The following PCDHAC1 variants were observed in gnomAD, a reference collection of about 807,000 sequenced individuals.
PCDHAC1 encodes protocadherin alpha subfamily C, 1.
A neutral mutation model predicts 60.0 loss-of-function variants in PCDHAC1; 42 were observed. That is an observed-to-expected ratio of 0.70 (90% CI 0.55 to 0.90). The LOEUF (loss-of-function observed/expected upper bound fraction) is 0.90, where lower values mean the gene tolerates loss of function less well. Among genes scored for constraint, PCDHAC1 ranks in the 40% least tolerant of loss-of-function variants. The pLI, the probability that PCDHAC1 is intolerant of heterozygous loss-of-function variation, is 0.00. For synonymous variants in PCDHAC1, 468 were observed against 499.3 expected (o/e 0.94, Z 0.84); for missense variants, 1,160 against 1,222.3 (o/e 0.95, Z 0.76).
chr5:141,009,724 T>C lies in PCDHAC1; in HGVS notation c.2679T>C (p.Gly893=). ...KYGPGNPKQS[G]PGELPDKFII... The stretch of plus-strand genomic sequence containing the variant: ...GACCAGGCAACCCCAAACAATCCGG[T>C]CCCGGTGAGTTGCCCGACAAATTCA... Residue 893 remains glycine, a synonymous_variant, in exon 4 of 4, where the codon GGT becomes GGC. Transcript: ENST00000253807. 6.2e-7 allele frequency: 1 copy of C among 1,614,116 alleles called. No individual in the cohort carries two copies. Among genetic ancestry groups the C allele is most frequent in the South Asian group, 1.1e-5 (1 of 91,062 alleles).
At position 140,929,227 on chromosome 5, in the gene PCDHAC1, G is replaced by C. The variant is rs141300036; in HGVS notation, c.2335G>C (p.Asp779His). ...GTTGCGTGGGGAGTACAATGCTGCC[G>C]ACCTGCGAAATCTTGCCACTGGGGT... ...LLLRGEYNAADLRNLATGVGL... is the reference protein window; with the variant it reads ...LLLRGEYNAAHLRNLATGVGL... The change falls in exon 1 of 4, where the codon GAC becomes CAC. Residue 779 changes from aspartate to histidine, a missense_variant. Around this residue, in one of 3 missense-constraint regions of PCDHAC1, gnomAD observed 1,113 missense variants for 1,163.7 expected, o/e 0.96. Transcript: ENST00000253807. 7.4e-6 allele frequency: 12 copies of C among 1,613,892 alleles called. No homozygotes were observed. In the African/African-American group the frequency reaches 1.5e-4, roughly 20 times the overall value.
At chr5:140,963,068 G>C (rs1472395054) in intron 1 of PCDHAC1, among the ~76,000 whole-genome samples, 3 of 152,064 alleles carry the variant, frequency 2.0e-5, no homozygotes, top group African/African-American at 7.2e-5. Context: ...CATTGTGAAG[G>C]AGACAGAAAT....
intron 3 of PCDHAC1, among the ~76,000 whole-genome samples, chr5:141,000,387 C>A (rs868946328): frequency 8.2e-4 from 55 of 66,860 alleles, no homozygotes; most frequent in African/African-American, 2.7e-3. Context: ...CTCTCTCTCT[C>A]TCTCTCTCTA....
chr5:140,937,197 C>T (rs1228010742), intron 1 of PCDHAC1, among the ~76,000 whole-genome samples: 2 of 151,938 alleles, frequency 1.3e-5, no homozygotes, highest in African/African-American at 2.4e-5. Flanking sequence ...GCCACCATGC[C>T]CGGCTAATTT....
chr5:140,969,201 G>A (rs2096306183), intron 1 of PCDHAC1: 2 of 1,614,110 alleles, frequency 1.2e-6, no homozygotes, highest in Non-Finnish European at 1.7e-6. Context: ...TACAATACAG[G>A]GGCCCAGACA....
At chr5:140,937,798 G>A (rs782138454) in intron 1 of PCDHAC1, among the ~76,000 whole-genome samples, 1 of 151,676 alleles carries the variant, frequency 6.6e-6, no homozygotes, top group African/African-American at 2.4e-5. Flanking sequence ...TGTAGTCCCA[G>A]CTACTCGGGA....
At position 140,946,014 on chromosome 5, in the gene PCDHAC1, C is replaced by T. The variant is rs116323983; in HGVS notation, c.2433+16689C>T. On this transcript the variant is annotated intron_variant, in intron 1 of 3. Coordinates refer to ENST00000253807, the MANE Select transcript of PCDHAC1 (RefSeq NM_018898.5). ...ATTGCATCAAACTAAAAAGCTCCTG[C>T]GCAGCAAAGAAAACAAGAGTGAAGG... Among the ~76,000 whole-genome samples, 849 of 151,986 alleles carry T rather than the reference C, an allele frequency of 5.6e-3. 7 individuals carry two copies. The highest frequency in any genetic ancestry group is 0.02 in the African/African-American group (814 of 41,504).
At chr5:140,968,339 A>C in intron 1 of PCDHAC1, 1 of 1,614,114 alleles carries the variant, frequency 6.2e-7, no homozygotes, top group Non-Finnish European at 8.5e-7. Flanking sequence ...TGTCTCCATT[A>C]ACAGTGCCAG....
At chr5:140,929,376 G>C in intron 1 of PCDHAC1, 51 bp downstream of exon 1, 1 of 1,513,958 alleles carries the variant, frequency 6.6e-7, no homozygotes, top group Non-Finnish European at 8.8e-7. Flanking sequence ...ATGGCTGCTA[G>C]CTGTGTTTTG....
At chr5:141,005,822 C>T (rs1248291613) in intron 3 of PCDHAC1, among the ~76,000 whole-genome samples, 2 of 151,298 alleles carry the variant, frequency 1.3e-5, no homozygotes, top group Non-Finnish European at 2.9e-5. Context: ...GTATGGTGGC[C>T]TGTAGTCCCA....
At chr5:140,977,955 C>T (rs1280190913) in intron 1 of PCDHAC1, among the ~76,000 whole-genome samples, 1 of 152,170 alleles carries the variant, frequency 6.6e-6, no homozygotes, top group African/African-American at 2.4e-5. Context: ...GACAGGGCCA[C>T]CTCAATCTCC....
Position 141,009,928 on chromosome 5 carries a change from T to C in PCDHAC1, c.2883T>C (p.Ser961=), listed in dbSNP as rs373891102. The change falls in exon 4 of 4, where the codon AGT becomes AGC. Residue 961 remains serine (S), a synonymous_variant. Transcript: ENST00000253807. The stretch of plus-strand genomic sequence containing the variant: ...AAGGGAACAGCACGACTGACAACAG[T>C]GACCAGTGAGGTCCTCAAATGGAAA... ...KEKGNSTTDN[S]DQ is the part of the protein sequence containing the mutation. 3 of 1,607,808 alleles carry C rather than the reference T, an allele frequency of 1.9e-6. No homozygotes were observed. The highest frequency in any genetic ancestry group is 2.5e-6 in the Non-Finnish European group (3 of 1,178,138).
Position 141,000,393 on chromosome 5 carries a change from CTCTATA to C in PCDHAC1, c.2582-9232_2582-9227del, listed in dbSNP as rs1213195269. 6.1e-3 allele frequency among the ~76,000 whole-genome samples: 322 copies of C among 52,630 alleles called. 2 individuals are homozygous for C. Among genetic ancestry groups the C allele is most frequent in the Admixed American group, 0.01 (36 of 3,506 alleles). 34.5% of individuals were successfully genotyped at this position (52,630 alleles called of 152,430 possible). A position where few individuals can be genotyped will look rare whatever the true frequency, so the allele number is the denominator to read the frequency against. ...TCTCTCTCTCTCTCTCTCTCTCTCT[CTCTATA>C]TATATATATATATATATATATATTT... On this transcript the variant is annotated intron_variant, in intron 3 of 3. Transcript: ENST00000253807.
At chr5:140,940,547 C>G (rs1256617271) in intron 1 of PCDHAC1, among the ~76,000 whole-genome samples, 1 of 152,018 alleles carries the variant, frequency 6.6e-6, no homozygotes, top group Admixed American at 6.6e-5. Flanking sequence ...TTCCTGGGCT[C>G]AAGTGATTCT....
chr5:140,972,987 T>C (rs2096567014), intron 1 of PCDHAC1, among the ~76,000 whole-genome samples: 1 of 152,044 alleles, frequency 6.6e-6, no homozygotes, highest in Admixed American at 6.6e-5. Flanking sequence ...TAAGGTAGAT[T>C]CTGTGCATTT....
At chr5:140,969,933 C>T (rs2096370749) in intron 1 of PCDHAC1, among the ~76,000 whole-genome samples, 1 of 152,192 alleles carries the variant, frequency 6.6e-6, no homozygotes, top group South Asian at 2.1e-4. Context: ...ATTTAGACAT[C>T]ATACTGAAGC....
chr5:140,974,884 T>A (rs1485443373), intron 1 of PCDHAC1, among the ~76,000 whole-genome samples: 1 of 152,240 alleles, frequency 6.6e-6, no homozygotes, highest in Non-Finnish European at 1.5e-5. Context: ...TATGTATCCC[T>A]TTTCTGATGA....
chr5:140,934,587 T>C (rs1316719317), intron 1 of PCDHAC1, among the ~76,000 whole-genome samples: 1 of 152,176 alleles, frequency 6.6e-6, no homozygotes, highest in Non-Finnish European at 1.5e-5. Flanking sequence ...ATTTCTGTAA[T>C]GGGTCTTCAA....
intron 2 of PCDHAC1, among the ~76,000 whole-genome samples, chr5:140,980,144 T>C (rs2096877989): frequency 6.6e-6 from 1 of 152,172 alleles, no homozygotes; most frequent in Admixed American, 6.6e-5. Flanking sequence ...GAAACATTCA[T>C]GCATATACCA....
Sources: gnomAD v4.1 joint callset for allele counts (sites outside exome capture counted in the v4.1 genomes callset) on GRCh38, gnomAD v4.1.1 for gene constraint, gnomAD v4.1.1 regional missense constraint, MANE v1.5 for transcripts, NCBI Gene and HGNC (gene_info 2026-07-23, HGNC 2026-07-21) for gene names.